Variants in CACNB2 observed in about 807,000 individuals in gnomAD.
The protein encoded by CACNB2 is voltage-dependent L-type calcium channel subunit beta-2.
In CACNB2, 42 loss-of-function variants were observed where a neutral mutation model predicts 73.3. The observed-to-expected ratio is 0.57, with a 90% confidence interval of 0.45 to 0.74. The LOEUF (loss-of-function observed/expected upper bound fraction) is 0.74, where lower values mean the gene tolerates loss of function less well. CACNB2 is among the 30% of genes least tolerant of loss of function. The pLI is 0.00. For missense variants in CACNB2, 940 were observed against 853.0 expected, an observed-to-expected ratio of 1.10 and a Z score of -1.27; for synonymous variants, 348 against 310.3, an observed-to-expected ratio of 1.12 and a Z score of -1.28.
intron 2 of CACNB2, among the ~76,000 whole-genome samples, chr10:18,345,499 T>C (rs1280616108): frequency 6.6e-6 from 1 of 152,194 alleles, no homozygotes; most frequent in East Asian, 1.9e-4. Context: ...TGTTGGATAT[T>C]AACAGGCTTT....
Position 18,513,764 on chromosome 10 carries a change from T to G in CACNB2, c.671-472T>G, listed in dbSNP as rs372195840. On this transcript the variant is annotated intron_variant, in intron 6 of 13. Transcript: ENST00000324631. The stretch of plus-strand genomic sequence containing the variant: ...TAACATAACCACATTTATTTAAGAA[T>G]GTATTCCAATATCAAATGGCAAATT... 1.2e-4 allele frequency: 27 copies of G among 231,546 alleles called. No individual in the cohort carries two copies. In the East Asian group the frequency reaches 1.6e-3, roughly 14 times the overall value. 14.3% of individuals were successfully genotyped at this position (231,546 alleles called of 1,614,324 possible). A position where few individuals can be genotyped will look rare whatever the true frequency, so the allele number is the denominator to read the frequency against.
chr10:18,260,762 G>A, intron 2 of CACNB2: 2 of 1,000,304 alleles, frequency 2.0e-6, no homozygotes, highest in Non-Finnish European at 2.4e-6. Flanking sequence ...AGCCGCGGGA[G>A]CAGGAACAGC....
rs556456415 is a variant in CACNB2 at position 18,238,931 on chromosome 10, G to T, written c.213+87956G>T. Among the ~76,000 whole-genome samples the T allele has an allele frequency of 4.0e-3, 605 of 152,286 alleles. 4 individuals are homozygous for T. Among genetic ancestry groups the T allele is most frequent in the African/African-American group, 0.013 (555 of 41,558 alleles). ...ATTTCTAAACTCCTACAATTGTGAA[G>T]TCACGAATTTGCTTTTTAATTACAG... On this transcript the variant is annotated intron_variant, in intron 2 of 13. Coordinates refer to ENST00000324631, the MANE Select transcript of CACNB2 (RefSeq NM_201596.3).
In CACNB2 at chr10:18,150,879, T is replaced by TTTTTTTTTTTTTTG. The variant is rs769211879; in HGVS notation, c.121-3_121-2insTTTTTTTTTTTTGT. ...TCTTTTTTTTTTTTTTTTTTTTTTT[T>TTTTTTTTTTTTTTG]TAGTCATATGGAAAAGGAGCCAGAA... On this transcript the variant is annotated splice_polypyrimidine_tract_variant and splice_region_variant and intron_variant, in intron 1 of 13. Transcript: ENST00000324631. The TTTTTTTTTTTTTTG allele has an allele frequency of 2.2e-4, 271 of 1,259,792 alleles. 31 individuals are homozygous for TTTTTTTTTTTTTTG. Among genetic ancestry groups the TTTTTTTTTTTTTTG allele is most frequent in the South Asian group, 5.8e-4 (41 of 71,150 alleles). 78.0% of individuals were successfully genotyped at this position (1,259,792 alleles called of 1,614,324 possible).
chr10:18,483,973 G>A (rs1025175529), intron 3 of CACNB2, among the ~76,000 whole-genome samples: 1 of 152,140 alleles, frequency 6.6e-6, no homozygotes, highest in African/African-American at 2.4e-5. Context: ...AGTGTTCAGG[G>A]TACTGTGAAT....
At chr10:18,297,534 G>T (rs958861774) in intron 2 of CACNB2, among the ~76,000 whole-genome samples, 34 of 152,142 alleles carry the variant, frequency 2.2e-4, no homozygotes, top group African/African-American at 7.5e-4. Context: ...TTCCGGCCTG[G>T]ATGACAGAGT....
chr10:18,241,836 C>T (rs1205851324), intron 2 of CACNB2, among the ~76,000 whole-genome samples: 1 of 151,782 alleles, frequency 6.6e-6, no homozygotes, highest in Non-Finnish European at 1.5e-5. Flanking sequence ...AATATTTGTA[C>T]AAATAGTAAG....
At chr10:18,264,677 G>A (rs114040587) in intron 2 of CACNB2, among the ~76,000 whole-genome samples, 26 of 152,242 alleles carry the variant, frequency 1.7e-4, no homozygotes, top group African/African-American at 4.8e-4. Context: ...ATTAACCCAC[G>A]TGGCTGCACA....
At position 18,539,254 on chromosome 10, in the gene CACNB2, G is replaced by A; in HGVS notation, c.1513G>A (p.Asp505Asn). 1 of 1,614,022 alleles carries A rather than the reference G, an allele frequency of 6.2e-7. No homozygotes were observed. Among genetic ancestry groups the A allele is most frequent in the Non-Finnish European group, 8.5e-7 (1 of 1,180,004 alleles). Residue 505 changes from aspartate to asparagine, a missense_variant, in exon 14 of 14, where the codon GAT becomes AAT. Physicochemically the swap from Asp to Asn is conservative, Grantham distance 23. Transcript: ENST00000324631. ...SQGSQGDQRTDRSAPIRSASQ... is the reference protein window; with the variant it reads ...SQGSQGDQRTNRSAPIRSASQ... ...GGGTTCTCAAGGTGATCAGAGGACT[G>A]ATCGCTCCGCTCCTATCCGTTCTGC...
chr10:18,401,786 G>T, intron 2 of CACNB2, 138 bp from the exon 3 acceptor site: 2 of 824,382 alleles, frequency 2.4e-6, no homozygotes, highest in South Asian at 2.9e-5. Flanking sequence ...TAGATAGGTT[G>T]CTGCAAAATG....
chr10:18,163,790 A>G (rs2032649953), intron 2 of CACNB2, among the ~76,000 whole-genome samples: 1 of 152,150 alleles, frequency 6.6e-6, no homozygotes, highest in African/African-American at 2.4e-5. Flanking sequence ...GGCTAGGTCA[A>G]ATAAAGGGCA....
intron 3 of CACNB2, among the ~76,000 whole-genome samples, chr10:18,447,465 G>T (rs2046791780): frequency 6.6e-6 from 1 of 152,180 alleles, no homozygotes; most frequent in African/African-American, 2.4e-5. Context: ...AGATCTGTAA[G>T]AGACAGAAGA....
chr10:18,494,686 A>G (rs1392235541), intron 3 of CACNB2, among the ~76,000 whole-genome samples: 18 of 150,814 alleles, frequency 1.2e-4, no homozygotes, highest in Admixed American at 1.2e-3. Context: ...GTGAAAGACC[A>G]TGCTACAATT....
At position 18,539,740 on chromosome 10, in the gene CACNB2, GTTTTTTTT is replaced by G. The variant is rs34022725; in HGVS notation, c.*28_*35del. ...CCGCCAATGAGTTTTGCCCGTTTGT[GTTTTTTTT>G]TTTTTTTTTTTGAAGTCTTGTATAA... On this transcript the variant is annotated 3_prime_UTR_variant, in exon 14 of 14. Transcript: ENST00000324631. 10 of 1,449,386 alleles carry G rather than the reference GTTTTTTTT, an allele frequency of 6.9e-6. No homozygotes were observed. The highest frequency in any genetic ancestry group is 4.7e-5 in the African/African-American group (3 of 64,204). The allele number at this position is 1,449,386 out of a possible 1,614,324, so 89.8% of individuals were successfully genotyped here. A position where few individuals can be genotyped will look rare whatever the true frequency, so the allele number is the denominator to read the frequency against.
At chr10:18,190,175 T>A (rs1029515159) in intron 2 of CACNB2, among the ~76,000 whole-genome samples, 3 of 152,148 alleles carry the variant, frequency 2.0e-5, no homozygotes, top group Admixed American at 6.6e-5. Context: ...GTGCTCTCAA[T>A]AAACACTATC....
chr10:18,400,714 T>G, intron 2 of CACNB2: 2 of 1,164,034 alleles, frequency 1.7e-6, no homozygotes, highest in Non-Finnish European at 1.1e-6. Context: ...GAAGAGAATG[T>G]TTAGGGTTAT....
chr10:18,321,615 T>C (rs2040400178), intron 2 of CACNB2, among the ~76,000 whole-genome samples: 1 of 152,200 alleles, frequency 6.6e-6, no homozygotes, highest in African/African-American at 2.4e-5. Context: ...TATTTCATAT[T>C]GCATGCCTGT....
intron 2 of CACNB2, among the ~76,000 whole-genome samples, chr10:18,173,827 A>G (rs945261260): frequency 6.6e-5 from 10 of 152,154 alleles, no homozygotes; most frequent in African/African-American, 1.9e-4. Flanking sequence ...CAGGTTTTTA[A>G]AATGCTTGGC....
At chr10:18,282,002 A>G (rs867437253) in intron 2 of CACNB2, among the ~76,000 whole-genome samples, 364 of 132,824 alleles carry the variant, frequency 2.7e-3, no homozygotes, top group Non-Finnish European at 4.4e-3. Flanking sequence ...AAAAAAAAAA[A>G]GGGGGAAATA....
Sources: allele counts gnomAD v4.1 joint callset (sites outside exome capture counted in the v4.1 genomes callset), GRCh38; gene constraint gnomAD v4.1.1; transcripts MANE v1.5; gene names NCBI Gene and HGNC (gene_info 2026-07-23, HGNC 2026-07-21).